Variants in FSCN2 observed in about 807,000 individuals in gnomAD.
FSCN2 encodes the protein fascin-2.
A neutral mutation model predicts 37.8 loss-of-function variants in FSCN2; 46 were observed. The ratio of observed to expected loss-of-function variants is 1.22; its 90% confidence interval spans 0.96 to 1.56. The LOEUF (loss-of-function observed/expected upper bound fraction) is 1.56, where lower values mean the gene tolerates loss of function less well. Among genes scored for constraint, FSCN2 ranks in the 40% most tolerant of loss-of-function variants. The pLI, the probability that FSCN2 is intolerant of heterozygous loss-of-function variation, is 0.00. For missense variants in FSCN2, 844 were observed against 730.4 expected (o/e 1.16, Z -1.79); for synonymous variants, 351 against 309.4 (o/e 1.13, Z -1.41).
At chr17:81,526,516 A>G (rs1385045003), upstream of FSCN2, among the ~76,000 whole-genome samples, 1 of 152,328 alleles carries the variant, frequency 6.6e-6, no homozygotes, top group East Asian at 1.9e-4. Context: ...CTGTAATCCC[A>G]GCTACTTGGG....
At chr17:81,532,430 GATA>G (rs1198289072) in intron 1 of FSCN2, among the ~76,000 whole-genome samples, 43 of 85,388 alleles carry the variant, frequency 5.0e-4, no homozygotes, top group African/African-American at 1.8e-3. Context: ...TGATGGTGAT[GATA>G]ATGGTGATGA....
At chr17:81,536,590 AG>A in intron 3 of FSCN2, 31 bp from the exon 4 acceptor site, 1 of 1,604,356 alleles carries the variant, frequency 6.2e-7, no homozygotes, top group East Asian at 2.2e-5. Context: ...AGGTGGCGGG[AG>A]GGGCAGCGCA....
At chr17:81,531,384 GTGATGGTGATGATGGTGA>G (rs1568077302) in intron 1 of FSCN2, among the ~76,000 whole-genome samples, 27 of 74,404 alleles carry the variant, frequency 3.6e-4, no homozygotes, top group African/African-American at 1.1e-3. Context: ...GGTGATGGTG[GTGATGGTGATGATGGTGA>G]TGGTGATGGT....
rs755404655 is a variant in FSCN2, at chr17:81,536,924, C to T, written c.1323C>T (p.Ser441=). ...WYTGSHGSVC[S]DGERAEDFVF... ...CGGGCAGCCACGGCAGCGTGTGCAG[C>T]GACGGCGAACGCGCCGAGGACTTCG... is the stretch of plus-strand genomic sequence containing the variant. Residue 441 remains serine (S), a synonymous_variant, in exon 5 of 5, where the codon AGC becomes AGT. Coordinates refer to ENST00000417245, the MANE Select transcript of FSCN2 (RefSeq NM_012418.4). 8 of 1,573,002 alleles carry T rather than the reference C, an allele frequency of 5.1e-6. No individual in the cohort carries two copies. The highest frequency in any genetic ancestry group is 6.9e-6 in the Non-Finnish European group (8 of 1,164,914).
At position 81,528,759 on chromosome 17, in the gene FSCN2, C is replaced by T. The variant is rs782518507; in HGVS notation, c.228C>T (p.Arg76=). 139 of 1,582,344 alleles carry T rather than the reference C, an allele frequency of 8.8e-5. No homozygotes were observed. In the East Asian group the frequency reaches 1.7e-3, roughly 20 times the overall value. ...GRYLSAEEDG[R]VACEAEQPGR... Reference sequence around the variant, plus strand: ...ACCTGTCGGCAGAAGAGGACGGGCGCGTGGCCTGTGAGGCAGAGCAGCCGG... The same window carrying T: ...ACCTGTCGGCAGAAGAGGACGGGCGTGTGGCCTGTGAGGCAGAGCAGCCGG... Residue 76 remains arginine, a synonymous_variant, in exon 1 of 5, where the codon CGC becomes CGT. Coordinates refer to ENST00000417245, the MANE Select transcript of FSCN2 (RefSeq NM_012418.4).
At chr17:81,536,581 G>T (rs2032884987) in intron 3 of FSCN2, 41 bp from the exon 4 acceptor site, 1 of 1,603,354 alleles carries the variant, frequency 6.2e-7, no homozygotes, top group Non-Finnish European at 8.5e-7. Flanking sequence ...GGACAGGGAA[G>T]GTGGCGGGAG....
chr17:81,531,435 ATGGTGGTGATGG>A (rs1454168814), intron 1 of FSCN2, among the ~76,000 whole-genome samples: 113 of 20,430 alleles, frequency 5.5e-3, no homozygotes, highest in East Asian at 0.043. Context: ...GATGATGGAG[ATGGTGGTGATGG>A]TGGTGGTGAT....
chr17:81,528,002 C>T (rs1388095392), upstream of FSCN2, among the ~76,000 whole-genome samples: 2 of 151,972 alleles, frequency 1.3e-5, no homozygotes, highest in Non-Finnish European at 2.9e-5. Flanking sequence ...GTACGGGCGG[C>T]GATCAGGTTG....
the FSCN2 span, among the ~76,000 whole-genome samples, chr17:81,515,474 T>G: frequency 4.6e-5 from 7 of 152,266 alleles, no homozygotes; most frequent in Non-Finnish European, 5.9e-5. Context: ...ATTTTTCTTT[T>G]CTAGTTCAGT....
At position 81,528,705 on chromosome 17, in the gene FSCN2, G is replaced by A. The variant is rs1555670573; in HGVS notation, c.174G>A (p.Val58=). The A allele has an allele frequency of 6.2e-7, 1 of 1,600,088 alleles. No homozygotes were observed. ...LEPDPGQGTA[V]LLRSSHLGRY... Reference sequence around the variant, plus strand: ...CCGACCCAGGACAAGGCACGGCTGTGCTGCTCCGCAGCAGCCACCTGGGCC... The same window carrying A: ...CCGACCCAGGACAAGGCACGGCTGTACTGCTCCGCAGCAGCCACCTGGGCC... The change falls in exon 1 of 5, where the codon GTG becomes GTA. Residue 58 remains valine, a synonymous_variant. Coordinates refer to ENST00000417245, the MANE Select transcript of FSCN2 (RefSeq NM_012418.4).
At chr17:81,521,918 C>T in the FSCN2 span, among the ~76,000 whole-genome samples, 2 of 152,196 alleles carry the variant, frequency 1.3e-5, no homozygotes, top group Admixed American at 1.3e-4. Context: ...CATACAACTT[C>T]GGTAATGACA....
At chr17:81,528,321 C>T, upstream of FSCN2, 1 of 582,584 alleles carries the variant, frequency 1.7e-6, no homozygotes, top group South Asian at 2.0e-5. Flanking sequence ...CCCTCCCCGC[C>T]CGCCCTCTGC....
At chr17:81,530,534 C>A in intron 1 of FSCN2, 1 of 463,026 alleles carries the variant, frequency 2.2e-6, no homozygotes, top group Non-Finnish European at 4.3e-6. Flanking sequence ...TCTGAAAAGG[C>A]GAGGTGGGGA....
chr17:81,529,657 G>C (rs782166204), intron 1 of FSCN2: 4 of 636,986 alleles, frequency 6.3e-6, no homozygotes, highest in South Asian at 4.3e-5. Flanking sequence ...TGCGGAGTCT[G>C]AGACTGGAGA....
At chr17:81,535,004 T>C in intron 1 of FSCN2, 48 bp from the exon 2 acceptor site, 1 of 1,439,838 alleles carries the variant, frequency 6.9e-7, no homozygotes, top group Non-Finnish European at 9.2e-7. Flanking sequence ...CCTCCCCTGC[T>C]CCCTACCCAG....
At chr17:81,532,735 T>C (rs1240729725) in intron 1 of FSCN2, among the ~76,000 whole-genome samples, 2 of 151,502 alleles carry the variant, frequency 1.3e-5, no homozygotes, top group African/African-American at 4.9e-5. Context: ...GTGATGGTGA[T>C]GGTGATGATG....
At position 81,528,670 on chromosome 17, in the gene FSCN2, G is replaced by T; in HGVS notation, c.139G>T (p.Val47Leu). Residue 47 changes from valine to leucine, a missense_variant, in exon 1 of 5, where the codon GTG becomes TTG. Coordinates refer to ENST00000417245, the MANE Select transcript of FSCN2 (RefSeq NM_012418.4). Reference protein sequence around the residue: ...APSLKRKQTWVLEPDPGQGTA... With the variant: ...APSLKRKQTWLLEPDPGQGTA... ...CAGCCTCAAGAGGAAGCAGACCTGG[G>T]TGCTGGAACCCGACCCAGGACAAGG... 1 of 1,602,156 alleles carries T rather than the reference G, an allele frequency of 6.2e-7. No homozygotes were observed. The highest frequency in any genetic ancestry group is 8.5e-7 in the Non-Finnish European group (1 of 1,175,208).
upstream of FSCN2, chr17:81,527,175 C>T (rs1253876436): frequency 2.0e-5 from 3 of 152,638 alleles, no homozygotes; most frequent in African/African-American, 7.2e-5. Flanking sequence ...CAGCCCAGGC[C>T]CCTTGCTTTT....
At chr17:81,532,859 C>G (rs543862325) in intron 1 of FSCN2, among the ~76,000 whole-genome samples, 17 of 152,214 alleles carry the variant, frequency 1.1e-4, no homozygotes, top group Admixed American at 8.5e-4. Flanking sequence ...GCATCTGACC[C>G]TATCATCCCT....
Sources: gnomAD v4.1 joint callset for allele counts (sites outside exome capture counted in the v4.1 genomes callset) on GRCh38, gnomAD v4.1.1 for gene constraint, MANE v1.5 for transcripts, NCBI Gene and HGNC (gene_info 2026-07-23, HGNC 2026-07-21) for gene names.